Variants in OCA2 observed in about 807,000 individuals in gnomAD.
OCA2 encodes the protein P protein.
A neutral mutation model predicts 100.2 loss-of-function variants in OCA2; 77 were observed. The ratio of observed to expected loss-of-function variants is 0.77; its 90% confidence interval spans 0.64 to 0.93. The LOEUF (loss-of-function observed/expected upper bound fraction) is 0.93, where lower values mean the gene tolerates loss of function less well. Among genes scored for constraint, OCA2 ranks in the 40% least tolerant of loss-of-function variants. The probability of loss-of-function intolerance (pLI) is 0.00; values close to 1 mark genes in which losing one functional copy is unlikely to be tolerated. For synonymous variants in OCA2, 432 were observed against 439.2 expected (o/e 0.98, Z 0.21); for missense variants, 1,062 against 1,089.1 (o/e 0.98, Z 0.35).
At chr15:28,097,236 C>T (rs2045002480) in intron 1 of OCA2, among the ~76,000 whole-genome samples, 4 of 152,222 alleles carry the variant, frequency 2.6e-5, no homozygotes, top group Admixed American at 2.6e-4. Flanking sequence ...CGCCGCGCTC[C>T]GCCGAAACTG....
intron 9 of OCA2, among the ~76,000 whole-genome samples, chr15:28,001,902 A>C (rs932641863): frequency 1.3e-5 from 2 of 152,212 alleles, no homozygotes; most frequent in Non-Finnish European, 2.9e-5. Context: ...CGGCTCTGCC[A>C]TTGGATTCCA....
intron 2 of OCA2, among the ~76,000 whole-genome samples, chr15:28,048,123 C>A (rs1342353688): frequency 6.6e-6 from 1 of 152,050 alleles, no homozygotes; most frequent in African/African-American, 2.4e-5. Context: ...TTAAAGAAGA[C>A]CTAAATAAAT....
At chr15:27,999,062 G>C (rs567911161) in intron 9 of OCA2, among the ~76,000 whole-genome samples, 4 of 146,936 alleles carry the variant, frequency 2.7e-5, no homozygotes, top group South Asian at 2.2e-4. Flanking sequence ...GGTGGGGAGA[G>C]GGGGGAGGGA....
intron 23 of OCA2, among the ~76,000 whole-genome samples, chr15:27,778,983 A>G (rs2032396018): frequency 6.6e-6 from 1 of 152,212 alleles, no homozygotes; most frequent in South Asian, 2.1e-4. Context: ...TTATCCCTTC[A>G]TTATGGAAGA....
intron 16 of OCA2, 129 bp from the exon 17 acceptor site, chr15:27,955,344 C>A: frequency 1.3e-6 from 1 of 754,934 alleles, no homozygotes; most frequent in South Asian, 1.4e-5. Flanking sequence ...CAGGACTAGT[C>A]ATGGGGGGCC....
intron 23 of OCA2, among the ~76,000 whole-genome samples, chr15:27,781,906 C>T (rs934454613): frequency 6.6e-6 from 1 of 152,186 alleles, no homozygotes; most frequent in African/African-American, 2.4e-5. Flanking sequence ...AGGAGTCAAG[C>T]GATCTGCTGG....
rs1391040660 is a variant in OCA2, at chr15:28,039,072, T to TTATATA, written c.228-6915_228-6910dup. On this transcript the variant is annotated intron_variant, in intron 2 of 23. Coordinates refer to ENST00000354638, the MANE Select transcript of OCA2 (RefSeq NM_000275.3). ...CCGTTACAAGAGGCAAAGAAAAATATTATATAATGATAAAAGAGTCAATTC... is the reference window on the plus strand; with the variant it reads ...CCGTTACAAGAGGCAAAGAAAAATATTATATATATATAATGATAAAAGAGTCAATTC... 3.9e-5 allele frequency among the ~76,000 whole-genome samples: 6 copies of TTATATA among 152,256 alleles called. No individual in the cohort carries two copies. The East Asian group carries it at 7.7e-4, about 20-fold the overall frequency.
chr15:27,769,863 C>T (rs2031576107), intron 23 of OCA2, among the ~76,000 whole-genome samples: 1 of 74,010 alleles, frequency 1.4e-5, no homozygotes, highest in South Asian at 2.6e-4. Flanking sequence ...CTCCCCAGCA[C>T]CTCGGCCTGT....
chr15:27,786,091 C>T (rs1217144460), intron 23 of OCA2, among the ~76,000 whole-genome samples: 6 of 152,074 alleles, frequency 3.9e-5, no homozygotes, highest in Non-Finnish European at 8.8e-5. Flanking sequence ...TGTTGAAATC[C>T]AATTGTTCCA....
intron 23 of OCA2, among the ~76,000 whole-genome samples, chr15:27,780,520 A>G (rs2032483039): frequency 6.6e-6 from 1 of 152,214 alleles, no homozygotes; most frequent in South Asian, 2.1e-4. Context: ...CCAACTCCCA[A>G]GGAGGGCTCC....
intron 17 of OCA2, among the ~76,000 whole-genome samples, chr15:27,952,283 C>T (rs537515558): frequency 1.3e-5 from 2 of 152,314 alleles, no homozygotes; most frequent in African/African-American, 4.8e-5. Flanking sequence ...CCAGATAAGG[C>T]TCTGGCCATG....
At position 28,043,482 on chromosome 15, in the gene OCA2, T is replaced by C. The variant is rs1035082866; in HGVS notation, c.228-11319A>G. 6.6e-6 allele frequency among the ~76,000 whole-genome samples: 1 copy of C among 152,148 alleles called. No homozygotes were observed. The highest frequency in any genetic ancestry group is 6.5e-5 in the Admixed American group (1 of 15,276). ...ATTTTTTCTGGGGCTTACACACAGG[T>C]AGTAAAACAGAACATTCGATCCTTG... On this transcript the variant is annotated intron_variant, in intron 2 of 23. Coordinates refer to ENST00000354638, the MANE Select transcript of OCA2 (RefSeq NM_000275.3). The surrounding 1 kb of genome is among the most constrained non-coding windows in gnomAD (Gnocchi z 4.4).
chr15:27,942,854 A>G (rs1399880146), intron 18 of OCA2, among the ~76,000 whole-genome samples: 1 of 152,126 alleles, frequency 6.6e-6, no homozygotes, highest in Non-Finnish European at 1.5e-5. Context: ...GTTATATTAT[A>G]TTGCATTATA....
At chr15:27,876,158 G>A (rs74427335) in intron 19 of OCA2, among the ~76,000 whole-genome samples, 2,395 of 152,064 alleles carry the variant, frequency 0.016, 57 homozygotes, top group African/African-American at 0.051. Context: ...TTTCAAAAAT[G>A]CCTTTCATCA....
intron 2 of OCA2, among the ~76,000 whole-genome samples, chr15:28,064,101 AT>A: frequency 6.6e-6 from 1 of 152,224 alleles, no homozygotes; most frequent in Non-Finnish European, 1.5e-5. Context: ...TTCTTTTAAC[AT>A]TTTATATATG....
At chr15:27,741,884 G>T in the OCA2 span, among the ~76,000 whole-genome samples, 1 of 152,142 alleles carries the variant, frequency 6.6e-6, no homozygotes, top group Non-Finnish European at 1.5e-5. Context: ...AATCATTATT[G>T]TTACACGATT....
At chr15:28,059,331 C>T (rs148597180) in intron 2 of OCA2, among the ~76,000 whole-genome samples, 4 of 152,354 alleles carry the variant, frequency 2.6e-5, no homozygotes, top group African/African-American at 9.6e-5. Flanking sequence ...TAACCCAAAA[C>T]TTATCAGCAA....
chr15:27,872,384 C>A (rs1325087315), intron 19 of OCA2, among the ~76,000 whole-genome samples: 3 of 152,194 alleles, frequency 2.0e-5, no homozygotes, highest in Non-Finnish European at 4.4e-5. Context: ...ATTTAACTGG[C>A]ACATGTAACT....
At chr15:28,063,242 T>A (rs1204022907) in intron 2 of OCA2, among the ~76,000 whole-genome samples, 1 of 152,146 alleles carries the variant, frequency 6.6e-6, no homozygotes, top group East Asian at 1.9e-4. Context: ...TCTCTTTTGA[T>A]TACTGTTTTC....
Sources: allele counts gnomAD v4.1 joint callset (sites outside exome capture counted in the v4.1 genomes callset), GRCh38; gene constraint gnomAD v4.1.1; non-coding constraint Gnocchi (gnomAD v3.1); transcripts MANE v1.5; gene names NCBI Gene and HGNC (gene_info 2026-07-23, HGNC 2026-07-21).